HIP1: variants seen among roughly 807,000 people sequenced by gnomAD.
The protein encoded by HIP1 is huntingtin interacting protein 1.
In HIP1, 65 loss-of-function variants were observed where a neutral mutation model predicts 147.6. That is an observed-to-expected ratio of 0.44 (90% confidence interval 0.36 to 0.54). The LOEUF (loss-of-function observed/expected upper bound fraction) is 0.54. HIP1 is among the 20% of genes least tolerant of loss of function. HIP1 has a pLI of 0.00. For synonymous variants in HIP1, 479 were observed against 504.0 expected (o/e 0.95, Z 0.67); for missense variants, 1,061 against 1,299.6 (o/e 0.82, Z 2.82).
rs1554497092 is a variant in HIP1, at chr7:75,573,705, G to T, written c.745+56C>A. On this transcript the variant is annotated intron_variant, in intron 8 of 30. Coordinates refer to ENST00000336926, the MANE Select transcript of HIP1 (RefSeq NM_005338.7). ...GTTTCTCTGGGGACATCCTCAGGCT[G>T]GGATCCTCCCTCTGGCCTGAATCTC... The T allele has an allele frequency of 4.5e-6, 7 of 1,560,826 alleles. No individual in the cohort carries two copies. In the East Asian group the frequency reaches 1.6e-4, roughly 35 times the overall value.
At chr7:75,704,192 A>G (rs1800921347) in intron 1 of HIP1, among the ~76,000 whole-genome samples, 1 of 152,176 alleles carries the variant, frequency 6.6e-6, no homozygotes, top group Non-Finnish European at 1.5e-5. Context: ...GTCTTACACC[A>G]GTTCTAGTGG....
In HIP1 at chr7:75,533,906, G is replaced by A. The variant is rs1338647637; in HGVS notation, c.*4266C>T. On this transcript the variant is annotated 3_prime_UTR_variant, in exon 31 of 31. Transcript: ENST00000336926. ...TGCTACAGGTGGTGCAGTCTCTGGA[G>A]GACAAGGATGGCAGAGAGAGGGCAA... is the stretch of plus-strand genomic sequence containing the variant. 1.7e-5 allele frequency: 4 copies of A among 233,764 alleles called. No homozygotes were observed. The highest frequency in any genetic ancestry group is 6.6e-5 in the African/African-American group (3 of 45,342). The allele number at this position is 233,764 out of a possible 1,614,324, so 14.5% of individuals were successfully genotyped here.
At chr7:75,665,831 GCT>G (rs1799542321) in intron 1 of HIP1, among the ~76,000 whole-genome samples, 1 of 152,106 alleles carries the variant, frequency 6.6e-6, no homozygotes, top group African/African-American at 2.4e-5. Context: ...ATGAGCCACT[GCT>G]CCTGGCCTTT....
intron 18 of HIP1, 106 bp from the exon 19 acceptor site, chr7:75,555,657 T>C: frequency 8.0e-7 from 1 of 1,249,728 alleles, no homozygotes; most frequent in Non-Finnish European, 1.1e-6. Flanking sequence ...TCATGGCCAA[T>C]GAGGTCCAAG....
intron 1 of HIP1, among the ~76,000 whole-genome samples, chr7:75,600,827 C>A (rs1402346898): frequency 6.6e-6 from 1 of 152,142 alleles, no homozygotes; most frequent in African/African-American, 2.4e-5. Context: ...GTGGCACAAT[C>A]ATGGCTCACC....
At chr7:75,701,239 C>G (rs1469587477) in intron 1 of HIP1, among the ~76,000 whole-genome samples, 1 of 151,996 alleles carries the variant, frequency 6.6e-6, no homozygotes, top group Admixed American at 6.6e-5. Flanking sequence ...ACCAAAAATA[C>G]AAAATTTAGC....
intron 1 of HIP1, among the ~76,000 whole-genome samples, chr7:75,689,020 A>G (rs1385002160): frequency 1.3e-5 from 2 of 152,098 alleles, no homozygotes; most frequent in African/African-American, 2.4e-5. Flanking sequence ...AACAGAGTGT[A>G]CGCCCAAAGA....
At chr7:75,715,317 G>A (rs1554520476) in intron 1 of HIP1, among the ~76,000 whole-genome samples, 1 of 151,976 alleles carries the variant, frequency 6.6e-6, no homozygotes, top group Non-Finnish European at 1.5e-5. Context: ...CCTGAGCCCA[G>A]GAGGTCAAGG....
chr7:75,728,785 CT>C (rs1364544230), intron 1 of HIP1, among the ~76,000 whole-genome samples: 1 of 105,040 alleles, frequency 9.5e-6, no homozygotes, highest in African/African-American at 3.8e-5. Flanking sequence ...GAGACTCTGT[CT>C]CAAAAAAAAA....
chr7:75,664,525 T>TAC (rs1563279679), intron 1 of HIP1, among the ~76,000 whole-genome samples: 31 of 150,452 alleles, frequency 2.1e-4, no homozygotes, highest in African/African-American at 6.8e-4. Flanking sequence ...TGTATACGTA[T>TAC]ACATACATAT....
intron 22 of HIP1, 120 bp downstream of exon 22, chr7:75,553,333 C>A: frequency 1.6e-6 from 2 of 1,275,536 alleles, no homozygotes; most frequent in South Asian, 2.7e-5. Context: ...CAATCTCTTT[C>A]TAGAATCAAG....
intron 1 of HIP1, among the ~76,000 whole-genome samples, chr7:75,680,106 G>A (rs1023490100): frequency 3.3e-5 from 5 of 152,140 alleles, no homozygotes; most frequent in East Asian, 1.9e-4. Context: ...GCAGTGGCAC[G>A]ATCTCAGCTC....
Position 75,562,999 on chromosome 7 carries a change from G to A in HIP1, c.956C>T (p.Ser319Leu), listed in dbSNP as rs1249822548. The change falls in exon 11 of 31, where the codon TCA becomes TTA. Residue 319 changes from serine (S) to leucine (L), a missense_variant. Transcript: ENST00000336926. ...SPVVVIPAEA[S>L]SPDSEPVLEK... The stretch of plus-strand genomic sequence containing the variant: ...TAGGACTGGCTCGCTGTCGGGGGAT[G>A]AGGCCTCTGCAGGGATCACCACCAC... 3.7e-6 allele frequency: 6 copies of A among 1,614,110 alleles called. No homozygotes were observed. Among genetic ancestry groups the A allele is most frequent in the Non-Finnish European group, 5.1e-6 (6 of 1,180,052 alleles).
intron 1 of HIP1, among the ~76,000 whole-genome samples, chr7:75,659,478 G>A (rs573657863): frequency 9.2e-5 from 14 of 152,046 alleles, no homozygotes; most frequent in East Asian, 1.9e-4. Context: ...GCAAAACCCC[G>A]TCTCTACAAA....
intron 1 of HIP1, among the ~76,000 whole-genome samples, chr7:75,663,958 G>A (rs1453960225): frequency 1.4e-5 from 1 of 71,310 alleles, no homozygotes; most frequent in African/African-American, 6.9e-5. Context: ...ACACATATAT[G>A]TGTATATATA....
intron 1 of HIP1, among the ~76,000 whole-genome samples, chr7:75,627,534 G>A (rs1554508189): frequency 6.6e-6 from 1 of 152,054 alleles, no homozygotes; most frequent in East Asian, 1.9e-4. Context: ...ATGAAAATAG[G>A]AATCACACTT....
At chr7:75,609,355 C>T (rs1423578088) in intron 1 of HIP1, among the ~76,000 whole-genome samples, 1 of 152,108 alleles carries the variant, frequency 6.6e-6, no homozygotes, top group African/African-American at 2.4e-5. Flanking sequence ...CTGTAGGTCC[C>T]CCAGGGGGCC....
Position 75,546,850 on chromosome 7 carries a change from A to G in HIP1, c.2559+89T>C, listed in dbSNP as rs1554491114. On this transcript the variant is annotated intron_variant, in intron 25 of 30. Coordinates refer to ENST00000336926, the MANE Select transcript of HIP1 (RefSeq NM_005338.7). Reference sequence around the variant, plus strand: ...GCTCTGTACTCAGGTGGACACACAGAGTAAGACGGCAGCATCACAGAGTCC... The same window carrying G: ...GCTCTGTACTCAGGTGGACACACAGGGTAAGACGGCAGCATCACAGAGTCC... 5.5e-6 allele frequency: 5 copies of G among 913,754 alleles called. No homozygotes were observed. The African/African-American group carries it at 8.2e-5, about 15-fold the overall frequency. 56.6% of individuals were successfully genotyped at this position (913,754 alleles called of 1,614,324 possible).
chr7:75,559,784 C>T lies in HIP1; in HGVS notation c.1323G>A (p.Arg441=), dbSNP rs1554494175. 6.2e-7 allele frequency: 1 copy of T among 1,611,678 alleles called. No homozygotes were observed. The highest frequency in any genetic ancestry group is 8.5e-7 in the Non-Finnish European group (1 of 1,179,480). The change falls in exon 14 of 31, where the codon AGG becomes AGA. Residue 441 remains arginine, a synonymous_variant. Coordinates refer to ENST00000336926, the MANE Select transcript of HIP1 (RefSeq NM_005338.7). ...CCTTCTCGGTGTCCTCCCGCTGCCTCCTGAGCTCGTCCAGTTCTGCCCGCA... is the reference window on the plus strand; with the variant it reads ...CCTTCTCGGTGTCCTCCCGCTGCCTTCTGAGCTCGTCCAGTTCTGCCCGCA... ...EFLRAELDEL[R]RQREDTEKAQ...
Sources: allele counts gnomAD v4.1 joint callset (sites outside exome capture counted in the v4.1 genomes callset), GRCh38; gene constraint gnomAD v4.1.1; transcripts MANE v1.5; gene names NCBI Gene and HGNC (gene_info 2026-07-23, HGNC 2026-07-21).